Variants in PPP6R3 observed in about 807,000 individuals in gnomAD.
The protein encoded by PPP6R3 is protein phosphatase 6 regulatory subunit 3, also known as serine/threonine-protein phosphatase 6 regulatory subunit 3.
A neutral mutation model predicts 110.7 loss-of-function variants in PPP6R3; 38 were observed. The ratio of observed to expected loss-of-function variants is 0.34; its 90% CI spans 0.26 to 0.45. The LOEUF is 0.45. Ranked by LOEUF, PPP6R3 falls within the 20% of genes least tolerant of loss-of-function variation. PPP6R3 has a pLI of 1.00. For missense variants in PPP6R3, 870 were observed against 1,062.4 expected, an observed-to-expected ratio of 0.82 and a Z score of 2.52; for synonymous variants, 369 against 373.5, an observed-to-expected ratio of 0.99 and a Z score of 0.14.
intron 1 of PPP6R3, among the ~76,000 whole-genome samples, chr11:68,502,734 G>C (rs185414159): frequency 1.3e-5 from 2 of 152,308 alleles, no homozygotes; most frequent in Admixed American, 1.3e-4. Flanking sequence ...CTTTTACTGA[G>C]ATGGGGAGGG....
chr11:68,501,030 C>G (rs1330677925), intron 1 of PPP6R3, among the ~76,000 whole-genome samples: 9 of 152,158 alleles, frequency 5.9e-5, no homozygotes, highest in Admixed American at 5.9e-4. Flanking sequence ...ACTGGCAGTT[C>G]AGAATGTTGC....
At position 68,613,750 on chromosome 11, in the gene PPP6R3, TAAGTA is replaced by T. The variant is rs60926083; in HGVS notation, c.*639_*643del. ...AAAATGTAAGTCTATTGGTAGAGAT[TAAGTA>T]AAGTATTTATTGCTACATCATAGTT... On this transcript the variant is annotated 3_prime_UTR_variant, in exon 24 of 24. Transcript: ENST00000393800. The T allele has an allele frequency of 0.28, 276,123 of 978,244 alleles. 40,955 individuals carry two copies. Among genetic ancestry groups the T allele is most frequent in the African/African-American group, 0.49 (27,860 of 56,874 alleles). The allele number at this position is 978,244 out of a possible 1,614,324, so 60.6% of individuals were successfully genotyped here. A position where few individuals can be genotyped will look rare whatever the true frequency, so the allele number is the denominator to read the frequency against.
intron 22 of PPP6R3, among the ~76,000 whole-genome samples, chr11:68,605,743 A>T (rs1243482404): frequency 6.6e-6 from 1 of 152,236 alleles, no homozygotes; most frequent in Non-Finnish European, 1.5e-5. Flanking sequence ...TCAATGAGAG[A>T]TAGTCTAATT....
At chr11:68,601,571 T>C (rs1395386708) in intron 20 of PPP6R3, among the ~76,000 whole-genome samples, 1 of 152,188 alleles carries the variant, frequency 6.6e-6, no homozygotes, top group African/African-American at 2.4e-5. Context: ...TCCTAGTGAC[T>C]ATGGTGGGAT....
In PPP6R3 at chr11:68,601,981, G is replaced by A; in HGVS notation, c.2299+12G>A. 1.9e-6 allele frequency: 3 copies of A among 1,600,236 alleles called. No homozygotes were observed. Among genetic ancestry groups the A allele is most frequent in the Non-Finnish European group, 2.6e-6 (3 of 1,170,506 alleles). On this transcript the variant is annotated intron_variant, in intron 21 of 23. Transcript: ENST00000393800. Reference sequence around the variant, plus strand: ...AGTGCAGCCAGAAGGTGCGTGCAGAGAGGCCTGGGTACACGCCAGGGTCAC... The same window carrying A: ...AGTGCAGCCAGAAGGTGCGTGCAGAAAGGCCTGGGTACACGCCAGGGTCAC...
chr11:68,461,456 CTG>C, intron 1 of PPP6R3, among the ~76,000 whole-genome samples: 1 of 134,024 alleles, frequency 7.5e-6, no homozygotes, highest in Non-Finnish European at 1.5e-5. Context: ...TGTATGTAAA[CTG>C]TCTCGAATGC....
At chr11:68,492,527 C>G (rs970901101) in intron 1 of PPP6R3, among the ~76,000 whole-genome samples, 9 of 152,214 alleles carry the variant, frequency 5.9e-5, no homozygotes, top group African/African-American at 2.2e-4. Flanking sequence ...TCAATGGACA[C>G]TACAGTGCCT....
At chr11:68,480,096 C>A (rs2098894042) in intron 1 of PPP6R3, among the ~76,000 whole-genome samples, 1 of 151,978 alleles carries the variant, frequency 6.6e-6, no homozygotes. Flanking sequence ...TTCTCACCTG[C>A]TTTTTCAGTT....
At chr11:68,462,968 A>G (rs948459543) in intron 1 of PPP6R3, among the ~76,000 whole-genome samples, 1 of 152,234 alleles carries the variant, frequency 6.6e-6, no homozygotes, top group African/African-American at 2.4e-5. Context: ...AAAGTCAACA[A>G]GCAAAAAGTT....
rs1245970052 is a variant in PPP6R3 at position 68,551,163 on chromosome 11, G to A, written c.595G>A (p.Val199Ile). ...EKIIQRLVEI[V>I]HPSQEEDRHS... ...AATTATCCAGAGGCTTGTGGAAATA[G>A]TTCATCCATCGCAAGAAGAAGATGT... The change falls in exon 6 of 24, where the codon GTT becomes ATT. Residue 199 changes from valine to isoleucine, a missense_variant. By Grantham distance (29) the Val-to-Ile change is conservative. Coordinates refer to ENST00000393800, the MANE Select transcript of PPP6R3 (RefSeq NM_001164161.2). 1 of 1,611,252 alleles carries A rather than the reference G, an allele frequency of 6.2e-7. No homozygotes were observed. Among genetic ancestry groups the A allele is most frequent in the Non-Finnish European group, 8.5e-7 (1 of 1,178,280 alleles).
rs753889005 is a variant in PPP6R3, at chr11:68,537,788, C to T, written c.124C>T (p.Arg42Cys). 72 of 1,613,766 alleles carry T rather than the reference C, an allele frequency of 4.5e-5. No homozygotes were observed. In the East Asian group the frequency reaches 6.0e-4, roughly 13 times the overall value. Residue 42 changes from arginine (R) to cysteine (C), a missense_variant, in exon 3 of 24, where the codon CGC becomes TGC. Transcript: ENST00000393800. ...TTTACAGGAATGTAAAGCTCAGAAC[C>T]GCAAACTTATAGAGTTTCTGTTAAA... ...DVLQECKAQNRKLIEFLLKAE... is the reference protein window; with the variant it reads ...DVLQECKAQNCKLIEFLLKAE...
chr11:68,550,552 A>G (rs1430305675), intron 5 of PPP6R3, among the ~76,000 whole-genome samples: 1 of 152,196 alleles, frequency 6.6e-6, no homozygotes, highest in African/African-American at 2.4e-5. Context: ...GATTAAAAGG[A>G]GATGGCCATA....
Position 68,542,387 on chromosome 11 carries a change from C to CTGTTTTTTTTT in PPP6R3, c.228-2449_228-2439dup, listed in dbSNP as rs1212725539. On this transcript the variant is annotated intron_variant, in intron 3 of 23. Coordinates refer to ENST00000393800, the MANE Select transcript of PPP6R3 (RefSeq NM_001164161.2). Reference sequence around the variant, plus strand: ...GCATCTTTGGGTGCTTGAGAAGCTGCTGTTTTTTTTTTTTTTTTTTTTTTA... The same window carrying CTGTTTTTTTTT: ...GCATCTTTGGGTGCTTGAGAAGCTGCTGTTTTTTTTTTGTTTTTTTTTTTTTTTTTTTTTTA... Among the ~76,000 whole-genome samples, 12 of 4,230 alleles carry CTGTTTTTTTTT rather than the reference C, an allele frequency of 2.8e-3. 1 individual carries two copies. The highest frequency in any genetic ancestry group is 0.025 in the East Asian group (5 of 200). The allele number at this position is 4,230 out of a possible 152,430, so 2.8% of individuals were successfully genotyped here.
chr11:68,462,939 G>C (rs1425749371), intron 1 of PPP6R3, among the ~76,000 whole-genome samples: 1 of 152,174 alleles, frequency 6.6e-6, no homozygotes, highest in Non-Finnish European at 1.5e-5. Context: ...TCTAGCCTTT[G>C]TGTAAAGTAT....
At chr11:68,597,128 C>G (rs1387816038) in intron 19 of PPP6R3, among the ~76,000 whole-genome samples, 1 of 152,190 alleles carries the variant, frequency 6.6e-6, no homozygotes, top group Non-Finnish European at 1.5e-5. Flanking sequence ...GGTGTTAGGC[C>G]TGTAACTGTG....
intron 1 of PPP6R3, among the ~76,000 whole-genome samples, chr11:68,492,569 A>G (rs772818555): frequency 1.3e-5 from 2 of 152,250 alleles, no homozygotes; most frequent in African/African-American, 2.4e-5. Flanking sequence ...TGATGCTGCC[A>G]TGAACATGGG....
At chr11:68,610,112 T>C in intron 23 of PPP6R3, 89 bp downstream of exon 23, 1 of 1,521,348 alleles carries the variant, frequency 6.6e-7, no homozygotes, top group Non-Finnish European at 8.8e-7. Flanking sequence ...ATAGGGATCG[T>C]TTACAGCTGT....
intron 14 of PPP6R3, among the ~76,000 whole-genome samples, chr11:68,580,556 G>A (rs906084479): frequency 1.1e-4 from 17 of 152,006 alleles, no homozygotes; most frequent in Non-Finnish European, 1.8e-4. Flanking sequence ...AGTGGACATG[G>A]TGGGTGGGCT....
intron 1 of PPP6R3, among the ~76,000 whole-genome samples, chr11:68,474,912 T>A (rs895835785): frequency 2.0e-5 from 3 of 151,136 alleles, no homozygotes; most frequent in African/African-American, 7.3e-5. Flanking sequence ...CTTTTTTTTA[T>A]TTTTTTTATT....
Sources: allele counts gnomAD v4.1 joint callset (sites outside exome capture counted in the v4.1 genomes callset), GRCh38; gene constraint gnomAD v4.1.1; transcripts MANE v1.5; gene names NCBI Gene and HGNC (gene_info 2026-07-23, HGNC 2026-07-21).